The following PCDHA2 variants were observed in gnomAD, a reference collection of about 807,000 sequenced individuals.
The protein encoded by PCDHA2 is protocadherin alpha-2.
PCDHA2 carries 58 observed loss-of-function variants against 66.0 expected under a neutral mutation model. The ratio of observed to expected loss-of-function variants is 0.88; its 90% CI spans 0.71 to 1.09. The LOEUF is 1.09. Among genes scored for constraint, PCDHA2 ranks in the 50% least tolerant of loss-of-function variants. The pLI, the probability that PCDHA2 is intolerant of heterozygous loss-of-function variation, is 0.00. For synonymous variants in PCDHA2, 634 were observed against 554.0 expected (o/e 1.14, Z -2.03); for missense variants, 1,267 against 1,242.3 (o/e 1.02, Z -0.30).
At chr5:140,852,952 C>A in intron 1 of PCDHA2, 1 of 475,904 alleles carries the variant, frequency 2.1e-6, no homozygotes, top group Non-Finnish European at 2.8e-6. Context: ...CATCTTGGCT[C>A]ACTCCAAGCT....
chr5:141,000,393 CTCTATATA>C (rs1486021873), intron 3 of PCDHA2, among the ~76,000 whole-genome samples: 100 of 52,828 alleles, frequency 1.9e-3, no homozygotes, highest in Middle Eastern at 0.012. Context: ...CTCTCTCTCT[CTCTATATA>C]TATATATATA....
chr5:140,842,503 C>A, intron 1 of PCDHA2: 1 of 1,613,836 alleles, frequency 6.2e-7, no homozygotes. Context: ...CCCATGTCCC[C>A]TTCAAGCTGG....
intron 1 of PCDHA2, chr5:140,831,181 A>T (rs2150192269): frequency 5.3e-5 from 8 of 152,354 alleles, no homozygotes; most frequent in African/African-American, 1.9e-4. Context: ...GTGATTCAAC[A>T]GAATTTAGAC....
intron 1 of PCDHA2, among the ~76,000 whole-genome samples, chr5:140,799,441 G>A (rs1246188515): frequency 1.3e-5 from 2 of 152,042 alleles, no homozygotes; most frequent in Admixed American, 6.5e-5. Flanking sequence ...TAAAAATTCA[G>A]CAAAGTGGTA....
intron 1 of PCDHA2, chr5:140,869,400 C>T (rs782134920): frequency 1.2e-6 from 2 of 1,614,026 alleles, no homozygotes; most frequent in African/African-American, 2.7e-5. Flanking sequence ...GCGGGCAGAG[C>T]GCGGAGTGCA....
chr5:140,909,784 C>T (rs1380024637), intron 1 of PCDHA2, among the ~76,000 whole-genome samples: 1 of 152,154 alleles, frequency 6.6e-6, no homozygotes, highest in African/African-American at 2.4e-5. Context: ...TGGACCCACT[C>T]TAAGTCAGAC....
chr5:140,884,688 CTTA>C (rs782481361), intron 1 of PCDHA2: 8 of 1,535,868 alleles, frequency 5.2e-6, no homozygotes, highest in Non-Finnish European at 8.8e-7. Flanking sequence ...AAAAAATTGT[CTTA>C]GTAAACACTT....
At chr5:140,929,036 C>T in intron 1 of PCDHA2, 1 of 1,614,178 alleles carries the variant, frequency 6.2e-7, no homozygotes, top group Non-Finnish European at 8.5e-7. Flanking sequence ...GGCTGTTGCG[C>T]TCAGAGCTGC....
rs898079440 is a variant in PCDHA2, at chr5:140,897,263, A to T, written c.2389-81686A>T. Among the ~76,000 whole-genome samples, 4 of 151,888 alleles carry T rather than the reference A, an allele frequency of 2.6e-5. No individual in the cohort carries two copies. The South Asian group carries it at 6.2e-4, about 24-fold the overall frequency. On this transcript the variant is annotated intron_variant, in intron 1 of 3. Transcript: ENST00000526136. Reference sequence around the variant, plus strand: ...TTAGTTACATATGTATACATGTGCCATGCTGGTGTGCTGCACCCATTAACT... The same window carrying T: ...TTAGTTACATATGTATACATGTGCCTTGCTGGTGTGCTGCACCCATTAACT...
intron 1 of PCDHA2, chr5:140,850,217 C>T (rs2150473800): frequency 1.1e-5 from 17 of 1,593,592 alleles, no homozygotes; most frequent in Non-Finnish European, 1.5e-5. Flanking sequence ...GGGGCACTGA[C>T]GGCGCAGTGA....
intron 3 of PCDHA2, among the ~76,000 whole-genome samples, chr5:140,994,615 G>C (rs2097641272): frequency 6.6e-6 from 1 of 152,078 alleles, no homozygotes; most frequent in Admixed American, 6.6e-5. Context: ...TGAGGCACGA[G>C]AGTCACTTGA....
intron 1 of PCDHA2, chr5:140,854,285 T>C (rs888416864): frequency 1.9e-6 from 1 of 521,658 alleles, no homozygotes; most frequent in Admixed American, 6.5e-5. Flanking sequence ...GAGTTTAGTT[T>C]TTATTATTTT....
chr5:140,902,859 A>G (rs964505072), intron 1 of PCDHA2, among the ~76,000 whole-genome samples: 18 of 152,208 alleles, frequency 1.2e-4, no homozygotes, highest in African/African-American at 4.3e-4. Context: ...AATGGCGTCC[A>G]GGTCCACCCA....
chr5:140,842,934 G>A (rs2150348030), intron 1 of PCDHA2: 3 of 1,594,530 alleles, frequency 1.9e-6, no homozygotes, highest in Non-Finnish European at 2.6e-6. Context: ...GTGAGCGCGC[G>A]CGACGCGGGC....
intron 1 of PCDHA2, chr5:140,854,328 A>C (rs1562493993): frequency 4.6e-6 from 1 of 216,912 alleles, no homozygotes; most frequent in Non-Finnish European, 7.8e-6. Context: ...TGGCAAACTT[A>C]TTTTACGCTC....
In PCDHA2 at chr5:140,851,831, A is replaced by T. The variant is rs1171493624; in HGVS notation, c.2388+54479A>T. 16 of 968,114 alleles carry T rather than the reference A, an allele frequency of 1.7e-5. 1 individual carries two copies. Among genetic ancestry groups the T allele is most frequent in the Middle Eastern group, 5.3e-4 (1 of 1,876 alleles). 60.0% of individuals were successfully genotyped at this position (968,114 alleles called of 1,614,324 possible). On this transcript the variant is annotated intron_variant, in intron 1 of 3. Transcript: ENST00000526136. ...CCATAAGACAGAAATCTGTTTTTTT[A>T]AAAATATCTTTTTCTCCTCTCAGCT...
chr5:140,828,617 G>A lies in PCDHA2; in HGVS notation c.2388+31265G>A, dbSNP rs2150157424. On this transcript the variant is annotated intron_variant, in intron 1 of 3. Transcript: ENST00000526136. ...CTTAACCTATAAACTCAGTTCTAGCGAATACTTCGGGCTAGATGTGAAAAT... is the reference window on the plus strand; with the variant it reads ...CTTAACCTATAAACTCAGTTCTAGCAAATACTTCGGGCTAGATGTGAAAAT... 3.1e-6 allele frequency: 5 copies of A among 1,614,158 alleles called. No individual in the cohort carries two copies. In the South Asian group the frequency reaches 5.5e-5, roughly 18 times the overall value.
chr5:140,875,882 A>G (rs2055902382), intron 1 of PCDHA2: 1 of 1,614,158 alleles, frequency 6.2e-7, no homozygotes, highest in Non-Finnish European at 8.5e-7. Flanking sequence ...AGAGAAAGGG[A>G]ACAAAAGGTA....
At chr5:140,882,839 T>C (rs1554175751) in intron 1 of PCDHA2, 1 of 1,614,218 alleles carries the variant, frequency 6.2e-7, no homozygotes, top group South Asian at 1.1e-5. Flanking sequence ...GCAAATGTCT[T>C]CATTATCACT....
Sources: allele counts gnomAD v4.1 joint callset (sites outside exome capture counted in the v4.1 genomes callset), GRCh38; gene constraint gnomAD v4.1.1; transcripts MANE v1.5; gene names NCBI Gene and HGNC (gene_info 2026-07-23, HGNC 2026-07-21).